The following FRMPD1 variants were observed in gnomAD, a reference collection of about 807,000 sequenced individuals.
FRMPD1 encodes the protein FERM and PDZ domain containing 1, also known as FERM and PDZ domain-containing protein 1.
A neutral mutation model predicts 117.8 loss-of-function variants in FRMPD1; 76 were observed. That is an observed-to-expected ratio of 0.65 (90% CI 0.54 to 0.78). The LOEUF (loss-of-function observed/expected upper bound fraction) is 0.78, where lower values mean the gene tolerates loss of function less well. FRMPD1 is among the 30% of genes least tolerant of loss of function. FRMPD1 has a pLI of 0.00. For missense variants in FRMPD1, 1,786 were observed against 1,964.5 expected (o/e 0.91, Z 1.72); for synonymous variants, 783 against 770.4 (o/e 1.02, Z -0.27).
rs1041491081 is a variant in FRMPD1, at chr9:37,717,381, A to G, written c.409-1688A>G. ...TGTGTGTGTGTGTGTATATATATATATTTTTTTTTTTTTTTTGAGATGTAG... is the reference window on the plus strand; with the variant it reads ...TGTGTGTGTGTGTGTATATATATATGTTTTTTTTTTTTTTTTGAGATGTAG... On this transcript the variant is annotated intron_variant, in intron 5 of 15. Transcript: ENST00000377765. 1.7e-3 allele frequency among the ~76,000 whole-genome samples: 199 copies of G among 114,326 alleles called. 1 individual carries two copies. The highest frequency in any genetic ancestry group is 6.2e-3 in the African/African-American group (192 of 30,824). The allele number at this position is 114,326 out of a possible 152,430, so 75.0% of individuals were successfully genotyped here.
Position 37,745,739 on chromosome 9 carries a change from G to C in FRMPD1, c.3707G>C (p.Gly1236Ala), listed in dbSNP as rs1824676542. The C allele has an allele frequency of 1.2e-6, 2 of 1,614,170 alleles. No homozygotes were observed. The highest frequency in any genetic ancestry group is 1.7e-6 in the Non-Finnish European group (2 of 1,180,034). The change falls in exon 16 of 16, where the codon GGG becomes GCG. Residue 1236 changes from glycine to alanine, a missense_variant. Transcript: ENST00000377765. ...IKAEAPNHVT[G>A]QDIAPRDSPE... is the part of the protein sequence containing the mutation. ...GCAGAGGCACCTAACCATGTGACAG[G>C]GCAAGATATAGCCCCTAGGGACAGC...
chr9:37,735,650 A>G lies in FRMPD1; in HGVS notation c.1317A>G (p.Ala439=). ...NSKLNIMSTL[A]EFANISRVEL... ...AACTCAACATCATGTCCACATTGGC[A>G]GAGTTTGCAAACATCAGCCGTGTAG... is the stretch of plus-strand genomic sequence containing the variant. The change falls in exon 13 of 16, where the codon GCA becomes GCG. Residue 439 remains alanine (A), a synonymous_variant. Coordinates refer to ENST00000377765, the MANE Select transcript of FRMPD1 (RefSeq NM_014907.3). 1 of 1,613,790 alleles carries G rather than the reference A, an allele frequency of 6.2e-7. No individual in the cohort carries two copies. The highest frequency in any genetic ancestry group is 1.1e-5 in the South Asian group (1 of 91,070).
At chr9:37,725,959 A>G (rs1035969168) in intron 7 of FRMPD1, among the ~76,000 whole-genome samples, 2 of 152,226 alleles carry the variant, frequency 1.3e-5, no homozygotes, top group African/African-American at 2.4e-5. Context: ...GTGGATTGGA[A>G]TAGAAGGGTT....
rs1334146483 is a variant in FRMPD1 at position 37,657,883 on chromosome 9, A to G, written c.-5+6789A>G. Among the ~76,000 whole-genome samples, 5 of 151,702 alleles carry G rather than the reference A, an allele frequency of 3.3e-5. No individual in the cohort carries two copies. The South Asian group carries it at 1.0e-3, about 32-fold the overall frequency. On this transcript the variant is annotated intron_variant, in intron 1 of 15. Coordinates refer to ENST00000377765, the MANE Select transcript of FRMPD1 (RefSeq NM_014907.3). ...GCATACCCAGCCTCCCTCTGCTTGG[A>G]CCTACCAACCCCCACCACCTTCCTA...
At chr9:37,663,209 G>T (rs72741818) in intron 1 of FRMPD1, among the ~76,000 whole-genome samples, 16,702 of 152,222 alleles carry the variant, frequency 0.11, 1,219 homozygotes, top group Middle Eastern at 0.16. Flanking sequence ...TGAACAGAAT[G>T]ATCTGTTCAC....
intron 1 of FRMPD1, among the ~76,000 whole-genome samples, chr9:37,660,640 C>T (rs1164761934): frequency 1.3e-5 from 2 of 152,208 alleles, no homozygotes; most frequent in Non-Finnish European, 2.9e-5. Context: ...GGTATAGCCA[C>T]TTCAAAATAT....
chr9:37,709,352 T>TC (rs1016256855), intron 4 of FRMPD1, among the ~76,000 whole-genome samples: 49 of 150,618 alleles, frequency 3.3e-4, no homozygotes, highest in African/African-American at 1.2e-3. Context: ...TATTAATTGT[T>TC]TTTTTTTCCC....
chr9:37,658,401 C>T (rs1264210598), intron 1 of FRMPD1, among the ~76,000 whole-genome samples: 1 of 152,172 alleles, frequency 6.6e-6, no homozygotes, highest in Non-Finnish European at 1.5e-5. Flanking sequence ...CTCTCTGGGA[C>T]TCAGATCCCT....
chr9:37,648,560 G>A (rs1820573719), upstream of FRMPD1, among the ~76,000 whole-genome samples: 1 of 152,196 alleles, frequency 6.6e-6, no homozygotes, highest in Non-Finnish European at 1.5e-5. Flanking sequence ...GCCTTGGCAA[G>A]AAATGGTGAG....
chr9:37,730,323 C>T (rs1390133465), intron 8 of FRMPD1, among the ~76,000 whole-genome samples: 1 of 152,156 alleles, frequency 6.6e-6, no homozygotes, highest in Non-Finnish European at 1.5e-5. Context: ...AATCTCCCAA[C>T]CATTCAATAA....
chr9:37,667,633 G>A (rs1316763977), intron 1 of FRMPD1, among the ~76,000 whole-genome samples: 5 of 150,512 alleles, frequency 3.3e-5, no homozygotes, highest in Non-Finnish European at 5.9e-5. Context: ...GCAATGAGAC[G>A]AGATCGTGCC....
upstream of FRMPD1, among the ~76,000 whole-genome samples, chr9:37,646,600 C>T (rs1412935641): frequency 6.6e-6 from 1 of 152,200 alleles, no homozygotes; most frequent in Non-Finnish European, 1.5e-5. Flanking sequence ...ATATTTCTAA[C>T]ATCGAAAACA....
chr9:37,681,704 TC>T (rs1588922853), intron 1 of FRMPD1, among the ~76,000 whole-genome samples: 3 of 152,346 alleles, frequency 2.0e-5, no homozygotes, highest in East Asian at 3.9e-4. Flanking sequence ...GGGGTTCTCA[TC>T]TTAGCATAGC....
At position 37,746,321 on chromosome 9, in the gene FRMPD1, T is replaced by A; in HGVS notation, c.4289T>A (p.Leu1430Gln). The change falls in exon 16 of 16, where the codon CTG becomes CAG. Residue 1430 changes from leucine to glutamine, a missense_variant. Physicochemically the swap from Leu to Gln is moderately radical, Grantham distance 113 (BLOSUM62 -2). Transcript: ENST00000377765. ...EGFIQLMESLLELQDILETSW... is the reference protein window; with the variant it reads ...EGFIQLMESLQELQDILETSW... ...TTCATCCAACTCATGGAGAGCTTGCTGGAGCTACAAGACATTTTAGAAACT... is the reference window on the plus strand; with the variant it reads ...TTCATCCAACTCATGGAGAGCTTGCAGGAGCTACAAGACATTTTAGAAACT... 1 of 1,612,780 alleles carries A rather than the reference T, an allele frequency of 6.2e-7. No individual in the cohort carries two copies.
intron 1 of FRMPD1, among the ~76,000 whole-genome samples, chr9:37,691,688 G>T (rs1201841721): frequency 6.6e-6 from 1 of 152,196 alleles, no homozygotes; most frequent in African/African-American, 2.4e-5. Context: ...CAGATCACTT[G>T]AGGTCAGGCG....
upstream of FRMPD1, among the ~76,000 whole-genome samples, chr9:37,646,504 C>A (rs1824143045): frequency 6.6e-6 from 1 of 152,236 alleles, no homozygotes; most frequent in African/African-American, 2.4e-5. Context: ...ATACAGTGTT[C>A]TTTCTTTCAC....
At chr9:37,675,031 T>C (rs559236282) in intron 1 of FRMPD1, among the ~76,000 whole-genome samples, 1 of 152,274 alleles carries the variant, frequency 6.6e-6, no homozygotes, top group Admixed American at 6.5e-5. Flanking sequence ...AGGTCAAACT[T>C]TCATCTTTGA....
intron 1 of FRMPD1, among the ~76,000 whole-genome samples, chr9:37,681,506 A>G (rs904889883): frequency 1.3e-5 from 2 of 152,180 alleles, no homozygotes; most frequent in African/African-American, 2.4e-5. Flanking sequence ...AGCAATCTGA[A>G]TTCTTTTTAA....
chr9:37,664,485 G>A (rs1032638068), intron 1 of FRMPD1, among the ~76,000 whole-genome samples: 2 of 147,376 alleles, frequency 1.4e-5, no homozygotes, highest in Admixed American at 6.8e-5. Context: ...CCCCACCCCC[G>A]ACAGGCCCCG....
Sources: allele counts gnomAD v4.1 joint callset (sites outside exome capture counted in the v4.1 genomes callset), GRCh38; gene constraint gnomAD v4.1.1; transcripts MANE v1.5; gene names NCBI Gene and HGNC (gene_info 2026-07-23, HGNC 2026-07-21).